CCDC149: variants seen among roughly 807,000 people sequenced by gnomAD.
CCDC149 encodes coiled-coil domain-containing protein 149.
In CCDC149, 45 loss-of-function variants were observed where a neutral mutation model predicts 59.9. The observed-to-expected ratio is 0.75, with a 90% CI of 0.59 to 0.96. The LOEUF is 0.96. CCDC149 is among the 40% of genes least tolerant of loss of function. CCDC149 has a pLI of 0.00. For missense variants in CCDC149, 584 were observed against 664.7 expected, an observed-to-expected ratio of 0.88 and a Z score of 1.33; for synonymous variants, 245 against 260.6, an observed-to-expected ratio of 0.94 and a Z score of 0.58.
At chr4:24,816,718 T>G (rs1037458877) in intron 12 of CCDC149, among the ~76,000 whole-genome samples, 1 of 152,160 alleles carries the variant, frequency 6.6e-6, no homozygotes. Context: ...GATACACATA[T>G]CAATGATGAG....
chr4:24,825,947 T>C (rs1315017298), intron 9 of CCDC149, among the ~76,000 whole-genome samples: 2 of 151,890 alleles, frequency 1.3e-5, no homozygotes. Flanking sequence ...AAGAGGTTTT[T>C]TGTTGTTGTT....
chr4:24,829,642 G>A (rs1716004158), intron 9 of CCDC149: 1 of 152,188 alleles, frequency 6.6e-6, no homozygotes, highest in Non-Finnish European at 1.5e-5. Context: ...GGGAAATGTA[G>A]GAAGAGGTCT....
At chr4:24,949,441 AG>A (rs1258024313) in intron 1 of CCDC149, among the ~76,000 whole-genome samples, 1 of 30,016 alleles carries the variant, frequency 3.3e-5, no homozygotes, top group African/African-American at 1.3e-4. Flanking sequence ...GGTGGCAGGG[AG>A]GGGGGGTGGT....
At chr4:24,905,446 T>C (rs1721435840) in intron 1 of CCDC149, among the ~76,000 whole-genome samples, 1 of 148,360 alleles carries the variant, frequency 6.7e-6, no homozygotes, top group African/African-American at 2.5e-5. Flanking sequence ...TGTGTGTGTG[T>C]GTGTGTGTGA....
intron 3 of CCDC149, among the ~76,000 whole-genome samples, chr4:24,853,513 G>T (rs928686490): frequency 4.0e-5 from 6 of 151,592 alleles, no homozygotes; most frequent in Non-Finnish European, 8.8e-5. Flanking sequence ...GCTTGAGCCC[G>T]GGAGGCGGAG....
At chr4:24,849,071 C>G (rs1717495844) in intron 4 of CCDC149, among the ~76,000 whole-genome samples, 1 of 152,144 alleles carries the variant, frequency 6.6e-6, no homozygotes, top group South Asian at 2.1e-4. Flanking sequence ...CTTAAATTCT[C>G]CGAGACCCCT....
chr4:24,855,939 G>A (rs1717976314), intron 3 of CCDC149, among the ~76,000 whole-genome samples: 1 of 152,248 alleles, frequency 6.6e-6, no homozygotes, highest in Non-Finnish European at 1.5e-5. Context: ...TGGGTTGGGT[G>A]ACATGACAGG....
At chr4:24,822,264 C>T (rs909985470) in intron 10 of CCDC149, among the ~76,000 whole-genome samples, 1 of 152,016 alleles carries the variant, frequency 6.6e-6, no homozygotes, top group Non-Finnish European at 1.5e-5. Flanking sequence ...CTTCATAGTT[C>T]CACAGATGAA....
At chr4:24,898,097 T>C (rs1720943524) in intron 1 of CCDC149, among the ~76,000 whole-genome samples, 1 of 152,152 alleles carries the variant, frequency 6.6e-6, no homozygotes, top group African/African-American at 2.4e-5. Context: ...GATTTTTCCA[T>C]GGCATCATGT....
At chr4:24,867,477 C>T (rs1192534452) in intron 3 of CCDC149, among the ~76,000 whole-genome samples, 2 of 152,220 alleles carry the variant, frequency 1.3e-5, no homozygotes, top group Non-Finnish European at 2.9e-5. Flanking sequence ...TGCATATATG[C>T]ATGGTCTCTG....
intron 12 of CCDC149, among the ~76,000 whole-genome samples, chr4:24,816,912 T>C (rs1408272715): frequency 6.6e-6 from 1 of 152,200 alleles, no homozygotes; most frequent in Non-Finnish European, 1.5e-5. Flanking sequence ...TGTTAGTTGC[T>C]CTCTGATAGG....
intron 4 of CCDC149, among the ~76,000 whole-genome samples, chr4:24,843,818 CCT>C (rs1209100270): frequency 6.6e-6 from 1 of 152,136 alleles, no homozygotes; most frequent in Non-Finnish European, 1.5e-5. Context: ...CCGCATAGAG[CCT>C]CTACTAGGGC....
chr4:24,817,114 C>T (rs1015028913), intron 12 of CCDC149, among the ~76,000 whole-genome samples: 6 of 152,178 alleles, frequency 3.9e-5, no homozygotes, highest in South Asian at 2.1e-4. Flanking sequence ...AATCAGTCCA[C>T]GACTTACAAC....
At position 24,831,471 on chromosome 4, in the gene CCDC149, C is replaced by T. The variant is rs765925300; in HGVS notation, c.965+35G>A. The T allele has an allele frequency of 6.5e-5, 105 of 1,609,140 alleles. No homozygotes were observed. In the Admixed American group the frequency reaches 1.5e-3, roughly 23 times the overall value. On this transcript the variant is annotated intron_variant, in intron 9 of 12. Coordinates refer to ENST00000635206, the MANE Select transcript of CCDC149 (RefSeq NM_001330643.2). ...TGGTAGCCTCGTCCCACTTCCTTCGCGCCCACCCCCCAACACAAGAGTTTG... is the reference window on the plus strand; with the variant it reads ...TGGTAGCCTCGTCCCACTTCCTTCGTGCCCACCCCCCAACACAAGAGTTTG...
intron 10 of CCDC149, 139 bp from the exon 11 acceptor site, chr4:24,821,226 G>T: frequency 2.5e-6 from 1 of 398,686 alleles, no homozygotes. Flanking sequence ...AATATAAACT[G>T]TAGAAATGAA....
intron 3 of CCDC149, among the ~76,000 whole-genome samples, chr4:24,866,339 A>T (rs1718690976): frequency 6.6e-6 from 1 of 152,116 alleles, no homozygotes; most frequent in African/African-American, 2.4e-5. Context: ...GATCTTAAAG[A>T]TGTGTTTGAC....
chr4:24,931,830 T>TATATATATATATATATATATATAC (rs2109342440), intron 1 of CCDC149, among the ~76,000 whole-genome samples: 1 of 7,656 alleles, frequency 1.3e-4, no homozygotes, highest in East Asian at 3.6e-3. Flanking sequence ...GGAGAGTATG[T>TATATATATATATATATATATATAC]ATATATATAT....
upstream of CCDC149, among the ~76,000 whole-genome samples, chr4:24,914,288 C>T (rs1722051717): frequency 6.6e-6 from 1 of 151,130 alleles, no homozygotes; most frequent in Non-Finnish European, 1.5e-5. Context: ...AGCAATCATT[C>T]CCCTTCTTTG....
At position 24,837,388 on chromosome 4, in the gene CCDC149, C is replaced by T; in HGVS notation, c.502G>A (p.Glu168Lys). The change falls in exon 6 of 13, where the codon GAG (glutamate) becomes AAG (lysine). Residue 168 changes from glutamate (E) to lysine (K), a missense_variant. Coordinates refer to ENST00000635206, the MANE Select transcript of CCDC149 (RefSeq NM_001330643.2). The surrounding 1 kb of genome is among the most constrained non-coding windows in gnomAD (Gnocchi z 4.3). ...TCCACAGAAGCCTGCAGGTCGTGCT[C>T]CAGAGACTCAATCTAAAACCACAGG... 5 of 1,614,104 alleles carry T rather than the reference C, an allele frequency of 3.1e-6. No homozygotes were observed. Among genetic ancestry groups the T allele is most frequent in the East Asian group, 2.2e-5 (1 of 44,888 alleles).
Sources: allele counts gnomAD v4.1 joint callset (sites outside exome capture counted in the v4.1 genomes callset), GRCh38; gene constraint gnomAD v4.1.1; non-coding constraint Gnocchi (gnomAD v3.1); transcripts MANE v1.5; gene names NCBI Gene and HGNC (gene_info 2026-07-23, HGNC 2026-07-21).